Variants in UBE2V1 observed in about 807,000 individuals in gnomAD.
The protein encoded by UBE2V1 is ubiquitin-conjugating enzyme E2 variant 1.
UBE2V1 carries 15 observed loss-of-function variants against 19.6 expected under a neutral mutation model. The ratio of observed to expected loss-of-function variants is 0.77; its 90% confidence interval spans 0.51 to 1.18. The LOEUF is 1.18. Among genes scored for constraint, UBE2V1 ranks in the 50% most tolerant of loss-of-function variants. UBE2V1 has a pLI of 0.00. For missense variants in UBE2V1, 125 were observed against 184.8 expected (o/e 0.68, Z 1.88); for synonymous variants, 60 against 60.7 (o/e 0.99, Z 0.05).
chr20:50,106,592 A>G (rs2080371661), intron 1 of UBE2V1, among the ~76,000 whole-genome samples: 1 of 152,036 alleles, frequency 6.6e-6, no homozygotes, highest in African/African-American at 2.4e-5. Context: ...ACACTTTGGG[A>G]GGCAGAGATG....
chr20:50,109,063 C>T, intron 1 of UBE2V1: 1 of 985,446 alleles, frequency 1.0e-6, no homozygotes, highest in South Asian at 4.7e-5. Context: ...TGGCTTTTGG[C>T]TCCTCCCTCA....
At chr20:50,084,610 C>T in intron 2 of UBE2V1, 1 of 461,452 alleles carries the variant, frequency 2.2e-6, no homozygotes, top group Non-Finnish European at 4.3e-6. Context: ...GTTAAATGTC[C>T]ACTCACCAGG....
intron 2 of UBE2V1, chr20:50,095,248 T>C (rs1370450476): frequency 2.6e-5 from 4 of 152,142 alleles, no homozygotes; most frequent in Admixed American, 2.6e-4. Context: ...AAATCATTCT[T>C]AGGAAGAGAA....
chr20:50,107,549 C>T (rs937503251), intron 1 of UBE2V1, among the ~76,000 whole-genome samples: 30 of 152,180 alleles, frequency 2.0e-4, no homozygotes, highest in Admixed American at 3.9e-4. Flanking sequence ...GTTAATTCTA[C>T]GATCAAGTAC....
chr20:50,098,553 A>G (rs2079782620), intron 1 of UBE2V1, among the ~76,000 whole-genome samples: 1 of 152,058 alleles, frequency 6.6e-6, no homozygotes, highest in Non-Finnish European at 1.5e-5. Context: ...AGCTGTGGAG[A>G]TTTGCTATCA....
At chr20:50,107,508 T>C (rs912876637) in intron 1 of UBE2V1, among the ~76,000 whole-genome samples, 3 of 152,146 alleles carry the variant, frequency 2.0e-5, no homozygotes, top group African/African-American at 4.8e-5. Flanking sequence ...ATGTGGGAAA[T>C]GAGTCAGGAC....
At chr20:50,113,005 G>T in intron 1 of UBE2V1, 102 bp downstream of exon 1, 1 of 478,554 alleles carries the variant, frequency 2.1e-6, no homozygotes, top group Non-Finnish European at 3.4e-6. Context: ...AGACAGAGGC[G>T]GCGCGGGGAC....
intron 2 of UBE2V1, among the ~76,000 whole-genome samples, chr20:50,094,048 A>T (rs2079432819): frequency 7.2e-6 from 1 of 139,404 alleles, no homozygotes; most frequent in Non-Finnish European, 1.5e-5. Flanking sequence ...TATATATATA[A>T]AATATATTAT....
chr20:50,085,506 G>C (rs1454364522), intron 2 of UBE2V1, among the ~76,000 whole-genome samples: 1 of 152,044 alleles, frequency 6.6e-6, no homozygotes, highest in African/African-American at 2.4e-5. Flanking sequence ...CAAAGGCAGG[G>C]GCTCCCCTCT....
intron 2 of UBE2V1, among the ~76,000 whole-genome samples, chr20:50,091,120 C>T (rs2079194492): frequency 6.6e-6 from 1 of 152,100 alleles, no homozygotes; most frequent in Non-Finnish European, 1.5e-5. Context: ...GATCTTGGCC[C>T]ACTGAAACCT....
At chr20:50,083,217 G>A (rs992713870) in intron 3 of UBE2V1, among the ~76,000 whole-genome samples, 14 of 152,164 alleles carry the variant, frequency 9.2e-5, no homozygotes, top group Admixed American at 5.9e-4. Flanking sequence ...CTGGGCTGGC[G>A]GCTGCCGGGC....
chr20:50,084,103 C>T, intron 3 of UBE2V1, 26 bp downstream of exon 3: 1 of 1,550,530 alleles, frequency 6.4e-7, no homozygotes, highest in Non-Finnish European at 8.7e-7. Flanking sequence ...CTCCAAGGAA[C>T]AAGTGGGACA....
At chr20:50,092,309 A>G (rs2079287603) in intron 2 of UBE2V1, among the ~76,000 whole-genome samples, 1 of 152,124 alleles carries the variant, frequency 6.6e-6, no homozygotes, top group Non-Finnish European at 1.5e-5. Flanking sequence ...GCAACAGAAT[A>G]AGACTCCATC....
In UBE2V1 at chr20:50,082,600, A is replaced by T; in HGVS notation, c.*168T>A. On this transcript the variant is annotated 3_prime_UTR_variant, in exon 4 of 4. Transcript: ENST00000371674. ...CTTATATATTTCAAATGGACAAAAA[A>T]TTAGTATCATTTACAGTATCTTAAG... The T allele has an allele frequency of 7.9e-7, 1 of 1,259,736 alleles. No homozygotes were observed. The highest frequency in any genetic ancestry group is 1.1e-6 in the Non-Finnish European group (1 of 944,756). 78.0% of individuals were successfully genotyped at this position (1,259,736 alleles called of 1,614,324 possible). A position where few individuals can be genotyped will look rare whatever the true frequency, so the allele number is the denominator to read the frequency against.
intron 2 of UBE2V1, among the ~76,000 whole-genome samples, chr20:50,092,450 TTGC>T (rs1309208682): frequency 2.6e-5 from 4 of 152,144 alleles, no homozygotes; most frequent in Admixed American, 2.6e-4. Context: ...ACATTTATGG[TTGC>T]TGCAATGGAG....
intron 1 of UBE2V1, among the ~76,000 whole-genome samples, chr20:50,107,350 T>C (rs1011460813): frequency 6.6e-6 from 1 of 152,230 alleles, no homozygotes; most frequent in Non-Finnish European, 1.5e-5. Context: ...AGGGGAATTC[T>C]AGGGAAAGAA....
intron 2 of UBE2V1, among the ~76,000 whole-genome samples, chr20:50,094,031 T>TAATAATAAA (rs1555876574): frequency 2.5e-4 from 17 of 68,150 alleles, no homozygotes; most frequent in African/African-American, 1.1e-3. Flanking sequence ...ATAATAATAA[T>TAATAATAAA]AAAATATATA....
In UBE2V1 at chr20:50,105,894, C is replaced by T. The variant is rs541807327; in HGVS notation, c.22+7213G>A. 1.7e-4 allele frequency among the ~76,000 whole-genome samples: 26 copies of T among 152,122 alleles called. No homozygotes were observed. In the East Asian group the frequency reaches 4.2e-3, roughly 25 times the overall value. Reference sequence around the variant, plus strand: ...TCAGTGAGCTGCGATCATGCCACTGCAGCCCAGCCTGGGCAACAGAGACTC... The same window carrying T: ...TCAGTGAGCTGCGATCATGCCACTGTAGCCCAGCCTGGGCAACAGAGACTC... On this transcript the variant is annotated intron_variant, in intron 1 of 3. Transcript: ENST00000371674.
chr20:50,098,965 C>T, intron 1 of UBE2V1: 1 of 985,412 alleles, frequency 1.0e-6, no homozygotes, highest in South Asian at 4.7e-5. Context: ...ATTAAGTCTC[C>T]TGTAGCAAAC....
Sources: allele counts gnomAD v4.1 joint callset (sites outside exome capture counted in the v4.1 genomes callset), GRCh38; gene constraint gnomAD v4.1.1; transcripts MANE v1.5; gene names NCBI Gene and HGNC (gene_info 2026-07-23, HGNC 2026-07-21).